Variants in FAF1 observed in about 807,000 individuals in gnomAD.
The protein encoded by FAF1 is FAS-associated factor 1.
A neutral mutation model predicts 92.5 loss-of-function variants in FAF1; 25 were observed. That is an observed-to-expected ratio of 0.27 (90% CI 0.20 to 0.38). The LOEUF (loss-of-function observed/expected upper bound fraction) is 0.38. FAF1 is among the 10% of genes least tolerant of loss of function. The probability of loss-of-function intolerance (pLI) is 1.00; values close to 1 mark genes in which losing one functional copy is unlikely to be tolerated. For missense variants in FAF1, 636 were observed against 793.3 expected (o/e 0.80, Z 2.38); for synonymous variants, 234 against 273.2 (o/e 0.86, Z 1.42).
intron 12 of FAF1, 145 bp from the exon 13 acceptor site, chr1:50,567,376 T>G: frequency 1.9e-6 from 1 of 526,718 alleles, no homozygotes; most frequent in Non-Finnish European, 3.1e-6. Flanking sequence ...CATTTTGGAG[T>G]TCCTAAAGCA....
chr1:50,562,401 C>T (rs1328913318), intron 13 of FAF1, among the ~76,000 whole-genome samples: 1 of 152,104 alleles, frequency 6.6e-6, no homozygotes, highest in Non-Finnish European at 1.5e-5. Context: ...TCCTTCTCTC[C>T]TCAATTATTT....
intron 1 of FAF1, among the ~76,000 whole-genome samples, chr1:50,950,085 G>A (rs1437988680): frequency 6.6e-6 from 1 of 151,874 alleles, no homozygotes; most frequent in African/African-American, 2.4e-5. Context: ...AAGTGATCCC[G>A]TGCCTCTTCT....
At chr1:50,673,580 T>C (rs1305679049) in intron 7 of FAF1, among the ~76,000 whole-genome samples, 3 of 152,186 alleles carry the variant, frequency 2.0e-5, no homozygotes, top group Admixed American at 6.5e-5. Flanking sequence ...TAAGTGAATA[T>C]ATAAATTCAT....
chr1:50,721,928 C>G (rs1658428222), intron 6 of FAF1, among the ~76,000 whole-genome samples: 1 of 152,096 alleles, frequency 6.6e-6, no homozygotes, highest in Admixed American at 6.6e-5. Context: ...CTGGCCAGGT[C>G]TCCTTTTCTG....
chr1:50,679,262 C>G (rs1656314792), intron 7 of FAF1, among the ~76,000 whole-genome samples: 1 of 151,604 alleles, frequency 6.6e-6, no homozygotes, highest in African/African-American at 2.4e-5. Flanking sequence ...TCAATTTCAG[C>G]TGCTCTGCCT....
intron 1 of FAF1, among the ~76,000 whole-genome samples, chr1:50,958,812 GTA>G (rs976270259): frequency 4.6e-5 from 7 of 152,182 alleles, no homozygotes; most frequent in African/African-American, 1.4e-4. Flanking sequence ...TGCAATGTGA[GTA>G]TTAAAAAAGA....
chr1:50,533,152 G>A lies in FAF1; in HGVS notation c.1494+2217C>T, dbSNP rs114854380. The stretch of plus-strand genomic sequence containing the variant: ...AGGGTCCCACGTTGTTGCCCTGGCT[G>A]GAATACAATGGCATGAACATGGCTC... On this transcript the variant is annotated intron_variant, in intron 15 of 18. Coordinates refer to ENST00000396153, the MANE Select transcript of FAF1 (RefSeq NM_007051.3). 2.1e-3 allele frequency among the ~76,000 whole-genome samples: 312 copies of A among 152,126 alleles called. 1 individual carries two copies. Among genetic ancestry groups the A allele is most frequent in the African/African-American group, 7.3e-3 (305 of 41,506 alleles).
intron 8 of FAF1, among the ~76,000 whole-genome samples, chr1:50,614,570 T>C (rs1050909878): frequency 4.6e-5 from 7 of 152,134 alleles, no homozygotes; most frequent in Non-Finnish European, 1.0e-4. Context: ...CTGGGCACGG[T>C]AGCTCACACC....
At chr1:50,576,831 T>C (rs984695455) in intron 12 of FAF1, among the ~76,000 whole-genome samples, 17 of 117,316 alleles carry the variant, frequency 1.4e-4, no homozygotes, top group African/African-American at 6.4e-4. Flanking sequence ...TGTTCGTTTT[T>C]CTTTTTTTTT....
At chr1:50,724,675 G>T (rs1239090974) in intron 6 of FAF1, among the ~76,000 whole-genome samples, 1 of 152,164 alleles carries the variant, frequency 6.6e-6, no homozygotes, top group African/African-American at 2.4e-5. Flanking sequence ...CTCCATTCTA[G>T]ATTTGTTTCT....
At chr1:50,882,249 A>C (rs1479716997) in intron 1 of FAF1, among the ~76,000 whole-genome samples, 1 of 152,206 alleles carries the variant, frequency 6.6e-6, no homozygotes, top group African/African-American at 2.4e-5. Flanking sequence ...CAAGAATGGT[A>C]AATGTACATT....
chr1:50,463,837 T>C (rs1407378549), intron 18 of FAF1, among the ~76,000 whole-genome samples: 1 of 152,238 alleles, frequency 6.6e-6, no homozygotes, highest in Non-Finnish European at 1.5e-5. Flanking sequence ...CAGGCCCAAC[T>C]GTTCTTAAAA....
At chr1:50,767,530 G>A (rs900827758) in intron 4 of FAF1, among the ~76,000 whole-genome samples, 2 of 151,996 alleles carry the variant, frequency 1.3e-5, no homozygotes, top group African/African-American at 4.8e-5. Context: ...CTTAAAGGTC[G>A]AAATAAAAGA....
At chr1:50,841,215 T>C (rs1644252942) in intron 2 of FAF1, among the ~76,000 whole-genome samples, 1 of 152,080 alleles carries the variant, frequency 6.6e-6, no homozygotes, top group Admixed American at 6.6e-5. Flanking sequence ...TGCTGATGAC[T>C]GATTCCTAAA....
chr1:50,632,127 AG>A (rs1346770841), intron 8 of FAF1, among the ~76,000 whole-genome samples: 1 of 152,212 alleles, frequency 6.6e-6, no homozygotes, highest in Non-Finnish European at 1.5e-5. Context: ...CTGATGATTA[AG>A]TTAACAATAA....
At chr1:50,586,855 G>C (rs1045185313) in intron 9 of FAF1, among the ~76,000 whole-genome samples, 2 of 152,188 alleles carry the variant, frequency 1.3e-5, no homozygotes, top group African/African-American at 4.8e-5. Flanking sequence ...TTGAGGCTTA[G>C]TCTTAAATAG....
intron 2 of FAF1, among the ~76,000 whole-genome samples, chr1:50,849,172 C>T (rs1644327714): frequency 1.3e-5 from 2 of 151,224 alleles, no homozygotes; most frequent in Non-Finnish European, 1.5e-5. Context: ...GAGGCTGAGG[C>T]AGGAGAATCG....
chr1:50,792,259 G>C (rs1469770421), intron 3 of FAF1, among the ~76,000 whole-genome samples: 1 of 152,138 alleles, frequency 6.6e-6, no homozygotes, highest in Non-Finnish European at 1.5e-5. Context: ...CTTTTTAAAA[G>C]TTTCTTACTT....
intron 13 of FAF1, among the ~76,000 whole-genome samples, chr1:50,560,253 G>A (rs1429796923): frequency 6.6e-6 from 1 of 152,172 alleles, no homozygotes; most frequent in African/African-American, 2.4e-5. Context: ...ACAGCTTACT[G>A]ATAATAAGTG....
Sources: allele counts gnomAD v4.1 joint callset (sites outside exome capture counted in the v4.1 genomes callset), GRCh38; gene constraint gnomAD v4.1.1; transcripts MANE v1.5; gene names NCBI Gene and HGNC (gene_info 2026-07-23, HGNC 2026-07-21).